ENOX2: variants seen among roughly 807,000 people sequenced by gnomAD.
ENOX2 encodes ecto-NOX disulfide-thiol exchanger 2, also known as APK1 antigen.
ENOX2 carries 36 observed loss-of-function variants against 45.0 expected under a neutral mutation model. The observed-to-expected ratio is 0.80, with a 90% confidence interval of 0.61 to 1.06. The LOEUF (loss-of-function observed/expected upper bound fraction) is 1.06, where lower values mean the gene tolerates loss of function less well. Ranked by LOEUF, ENOX2 falls within the 50% of genes least tolerant of loss-of-function variation. The pLI is 0.00. For missense variants in ENOX2, 423 were observed against 462.5 expected (o/e 0.91, Z 0.78); for synonymous variants, 174 against 152.3 (o/e 1.14, Z -1.05).
chrX:130,873,528 G>GC (rs1180288619), intron 2 of ENOX2, among the ~76,000 whole-genome samples: 1 of 111,621 alleles, frequency 9.0e-6, no homozygotes, highest in Non-Finnish European at 1.9e-5. Context: ...ATTTGACCCA[G>GC]CAATCCCATT....
intron 3 of ENOX2, among the ~76,000 whole-genome samples, chrX:130,707,224 T>G (rs1353500389): frequency 9.0e-6 from 1 of 111,701 alleles, no homozygotes; most frequent in African/African-American, 3.3e-5. Context: ...GAACATGTCT[T>G]GCCATGCTGG....
At chrX:130,632,590 G>C (rs1185837181) in intron 12 of ENOX2, among the ~76,000 whole-genome samples, 1 of 111,693 alleles carries the variant, frequency 9.0e-6, no homozygotes, top group African/African-American at 3.3e-5. Context: ...TGCTCCTTGG[G>C]GGGCAGATCA....
chrX:130,675,982 A>G (rs2037138637), intron 6 of ENOX2, among the ~76,000 whole-genome samples: 1 of 112,466 alleles, frequency 8.9e-6, no homozygotes, highest in Non-Finnish European at 1.9e-5. Context: ...ACTGTCATAC[A>G]TTCTTTTTAG....
Position 130,623,204 on chromosome X carries a change from C to A in ENOX2, c.*2110G>T, listed in dbSNP as rs2035463079. Among the ~76,000 whole-genome samples, 3 of 111,570 alleles carry A rather than the reference C, an allele frequency of 2.7e-5. No homozygotes were observed. Among genetic ancestry groups the A allele is most frequent in the Non-Finnish European group, 5.6e-5 (3 of 53,155 alleles). ...AACCATAAAAACTAGTATATTCAAG[C>A]AAACTGGGAGGAGTATACCTATACT... On this transcript the variant is annotated 3_prime_UTR_variant, in exon 15 of 15. Coordinates refer to ENST00000394363, the MANE Select transcript of ENOX2 (RefSeq NM_006375.4).
At chrX:130,655,333 G>A (rs1569481245) in intron 10 of ENOX2, among the ~76,000 whole-genome samples, 1 of 111,788 alleles carries the variant, frequency 8.9e-6, no homozygotes, top group African/African-American at 3.3e-5. Context: ...CTTTTTCAAA[G>A]TCTGACTTGA....
chrX:130,650,594 G>A (rs1164277608), intron 10 of ENOX2, among the ~76,000 whole-genome samples: 2 of 112,161 alleles, frequency 1.8e-5, no homozygotes, highest in Non-Finnish European at 3.8e-5. Flanking sequence ...GTTTGAGTAG[G>A]TGAATCCATC....
chrX:130,695,523 A>G (rs753521858), intron 4 of ENOX2, among the ~76,000 whole-genome samples: 1 of 111,217 alleles, frequency 9.0e-6, no homozygotes, highest in South Asian at 3.9e-4. Flanking sequence ...AGCATTTCCA[A>G]TCTTTTAGGT....
chrX:130,765,738 C>T (rs1268642878), intron 3 of ENOX2, among the ~76,000 whole-genome samples: 1 of 111,487 alleles, frequency 9.0e-6, no homozygotes, highest in African/African-American at 3.3e-5. Context: ...TGAGTATTTA[C>T]CTAGGAGTAC....
chrX:130,842,254 G>A (rs12007199), intron 2 of ENOX2, among the ~76,000 whole-genome samples: 206 of 112,704 alleles, frequency 1.8e-3, no homozygotes, highest in African/African-American at 6.1e-3. Context: ...TAGAACTATA[G>A]GGACTTAAAA....
chrX:130,645,983 T>G, intron 10 of ENOX2: 1 of 634,062 alleles, frequency 1.6e-6, no homozygotes, highest in Admixed American at 2.2e-5. Flanking sequence ...TCATCACGGA[T>G]GAACTCAGCT....
intron 6 of ENOX2, among the ~76,000 whole-genome samples, chrX:130,672,885 G>C (rs781512820): frequency 3.4e-4 from 38 of 111,726 alleles, no homozygotes; most frequent in Non-Finnish European, 6.6e-4. Flanking sequence ...TGGGTTATTC[G>C]TGGGTGAGCT....
chrX:130,675,231 C>T (rs1489194929), intron 6 of ENOX2, among the ~76,000 whole-genome samples: 1 of 111,670 alleles, frequency 9.0e-6, no homozygotes, highest in Non-Finnish European at 1.9e-5. Flanking sequence ...TACAGTCCCA[C>T]CAACAGTGTA....
At chrX:130,861,379 AAGG>A (rs2078405507) in intron 2 of ENOX2, among the ~76,000 whole-genome samples, 1 of 111,316 alleles carries the variant, frequency 9.0e-6, no homozygotes, top group Admixed American at 9.6e-5. Context: ...GGGTAAAGAA[AAGG>A]TGGTGTACAT....
At chrX:130,877,807 G>C (rs2078735230) in intron 2 of ENOX2, among the ~76,000 whole-genome samples, 1 of 111,864 alleles carries the variant, frequency 8.9e-6, no homozygotes, top group Admixed American at 9.5e-5. Flanking sequence ...TCCTGGGAGG[G>C]GCAGCTTATC....
chrX:130,722,097 A>C (rs2038493749), intron 3 of ENOX2, among the ~76,000 whole-genome samples: 1 of 111,855 alleles, frequency 8.9e-6, no homozygotes, highest in Non-Finnish European at 1.9e-5. Context: ...AGACACATAC[A>C]TCAGGAGCGC....
intron 2 of ENOX2, among the ~76,000 whole-genome samples, chrX:130,849,234 T>C (rs183596338): frequency 3.2e-3 from 360 of 112,329 alleles, no homozygotes; most frequent in African/African-American, 0.011. Flanking sequence ...GTAAAGGGAT[T>C]TAAGTGGCAG....
intron 3 of ENOX2, among the ~76,000 whole-genome samples, chrX:130,713,741 A>C (rs2038254186): frequency 9.0e-6 from 1 of 111,548 alleles, no homozygotes; most frequent in Non-Finnish European, 1.9e-5. Context: ...GGGCCTAAAA[A>C]AAAAATGCTA....
At chrX:130,827,637 TG>T (rs2077742852) in intron 2 of ENOX2, among the ~76,000 whole-genome samples, 1 of 111,950 alleles carries the variant, frequency 8.9e-6, no homozygotes. Context: ...AATAAATATC[TG>T]TTGACTATAT....
intron 3 of ENOX2, among the ~76,000 whole-genome samples, chrX:130,766,112 G>A (rs1446323812): frequency 4.5e-5 from 5 of 111,324 alleles, no homozygotes; most frequent in Non-Finnish European, 9.5e-5. Flanking sequence ...AATTTAGAAG[G>A]ACTGCTTGGT....
Sources: allele counts gnomAD v4.1 joint callset (sites outside exome capture counted in the v4.1 genomes callset), GRCh38; gene constraint gnomAD v4.1.1; transcripts MANE v1.5; gene names NCBI Gene and HGNC (gene_info 2026-07-23, HGNC 2026-07-21).